The following NEGR1 variants were observed in gnomAD, a reference collection of about 807,000 sequenced individuals.
NEGR1 encodes the protein IgLON family member 4.
NEGR1 carries 10 observed loss-of-function variants against 40.9 expected under a neutral mutation model. The ratio of observed to expected loss-of-function variants is 0.24; its 90% CI spans 0.15 to 0.42. The LOEUF (loss-of-function observed/expected upper bound fraction) is 0.42. NEGR1 is among the 10% of genes least tolerant of loss of function. The pLI, the probability that NEGR1 is intolerant of heterozygous loss-of-function variation, is 1.00. For synonymous variants in NEGR1, 185 were observed against 166.8 expected (o/e 1.11, Z -0.84); for missense variants, 352 against 438.9 (o/e 0.80, Z 1.77).
At chr1:71,487,644 G>A (rs1480875277) in intron 6 of NEGR1, among the ~76,000 whole-genome samples, 1 of 151,740 alleles carries the variant, frequency 6.6e-6, no homozygotes, top group Non-Finnish European at 1.5e-5. Context: ...GCTAGCTGAA[G>A]AGTAAATATT....
intron 6 of NEGR1, among the ~76,000 whole-genome samples, chr1:71,505,776 C>T (rs962761759): frequency 1.3e-5 from 2 of 152,136 alleles, no homozygotes; most frequent in Admixed American, 6.5e-5. Flanking sequence ...ATGGAAGCCC[C>T]AAACTCATTT....
chr1:71,791,035 C>T (rs887675291), intron 2 of NEGR1, among the ~76,000 whole-genome samples: 3 of 151,878 alleles, frequency 2.0e-5, no homozygotes, highest in Admixed American at 6.6e-5. Context: ...AATGAACAAG[C>T]CCATTAGAGG....
At chr1:72,196,255 G>T (rs910326837) in intron 1 of NEGR1, among the ~76,000 whole-genome samples, 1 of 151,736 alleles carries the variant, frequency 6.6e-6, no homozygotes. Flanking sequence ...TTTAAATTAG[G>T]GATGCTCAAC....
chr1:71,419,551 G>GT (rs932660351), intron 6 of NEGR1, among the ~76,000 whole-genome samples: 33 of 151,614 alleles, frequency 2.2e-4, no homozygotes, highest in African/African-American at 6.3e-4. Flanking sequence ...AATTAAATCT[G>GT]TTTTTTTTCC....
Position 71,400,809 on chromosome 1 carries a change from G to T in NEGR1, c.*6637C>A, listed in dbSNP as rs1646242413. On this transcript the variant is annotated 3_prime_UTR_variant, in exon 7 of 7. Transcript: ENST00000357731. ...GCACTTTAGGAGGCCGAGGGAAGTGGATCACTTGAGGTCAGGAGTTCTAGA... is the reference window on the plus strand; with the variant it reads ...GCACTTTAGGAGGCCGAGGGAAGTGTATCACTTGAGGTCAGGAGTTCTAGA... 6.6e-6 allele frequency: 1 copy of T among 152,176 alleles called. No individual in the cohort carries two copies. The highest frequency in any genetic ancestry group is 2.1e-4 in the South Asian group (1 of 4,834). The allele number at this position is 152,176 out of a possible 1,614,324, so 9.4% of individuals were successfully genotyped here. A position where few individuals can be genotyped will look rare whatever the true frequency, so the allele number is the denominator to read the frequency against.
chr1:71,744,551 C>T, intron 3 of NEGR1, among the ~76,000 whole-genome samples: 1 of 151,968 alleles, frequency 6.6e-6, no homozygotes, highest in East Asian at 1.9e-4. Context: ...CGTGTCTACT[C>T]AGTTCCCTTT....
chr1:71,475,435 A>T (rs1382633005), intron 6 of NEGR1, among the ~76,000 whole-genome samples: 1 of 152,080 alleles, frequency 6.6e-6, no homozygotes, highest in Non-Finnish European at 1.5e-5. Context: ...AGTTATGTTA[A>T]TCTGAGATTT....
chr1:71,582,713 C>T (rs1326076170), intron 6 of NEGR1, among the ~76,000 whole-genome samples: 1 of 152,180 alleles, frequency 6.6e-6, no homozygotes, highest in Non-Finnish European at 1.5e-5. Flanking sequence ...AGTAATCCTG[C>T]TTTTCCCCAG....
At chr1:71,682,292 G>T (rs1652865362) in intron 4 of NEGR1, among the ~76,000 whole-genome samples, 1 of 151,274 alleles carries the variant, frequency 6.6e-6, no homozygotes, top group Non-Finnish European at 1.5e-5. Flanking sequence ...ATTCAAAATT[G>T]CTTACTGTTT....
chr1:71,958,232 C>T (rs1646134524), intron 1 of NEGR1, among the ~76,000 whole-genome samples: 1 of 152,098 alleles, frequency 6.6e-6, no homozygotes, highest in South Asian at 2.1e-4. Context: ...TCTACATTTC[C>T]CCCCTTAGGG....
intron 1 of NEGR1, among the ~76,000 whole-genome samples, chr1:72,131,960 G>A (rs1411833647): frequency 5.3e-5 from 8 of 152,032 alleles, no homozygotes; most frequent in Non-Finnish European, 1.2e-4. Flanking sequence ...TTAGCCAGGC[G>A]TGGTAGCACA....
At chr1:71,413,338 G>A (rs1646335769) in intron 6 of NEGR1, among the ~76,000 whole-genome samples, 1 of 152,160 alleles carries the variant, frequency 6.6e-6, no homozygotes, top group Non-Finnish European at 1.5e-5. Flanking sequence ...AAACAGAAAT[G>A]GTTCCTGTTC....
At chr1:71,551,614 G>A (rs1648077723) in intron 6 of NEGR1, among the ~76,000 whole-genome samples, 1 of 151,572 alleles carries the variant, frequency 6.6e-6, no homozygotes, top group South Asian at 2.1e-4. Flanking sequence ...TAATATATTT[G>A]TTAGTTTTCC....
intron 6 of NEGR1, among the ~76,000 whole-genome samples, chr1:71,437,516 T>C (rs1462092931): frequency 6.6e-6 from 1 of 152,034 alleles, no homozygotes; most frequent in African/African-American, 2.4e-5. Context: ...TGTAAATTAA[T>C]GGTGCTAAAA....
intron 1 of NEGR1, among the ~76,000 whole-genome samples, chr1:72,177,638 T>C (rs2100406508): frequency 6.6e-6 from 1 of 152,198 alleles, no homozygotes; most frequent in Admixed American, 6.5e-5. Context: ...ATTAATATTC[T>C]GACCTTTTAG....
chr1:72,157,343 G>A (rs912181207), intron 1 of NEGR1, among the ~76,000 whole-genome samples: 81 of 152,100 alleles, frequency 5.3e-4, no homozygotes, highest in Non-Finnish European at 4.4e-4. Flanking sequence ...AAATATAAAA[G>A]TATTTTTATT....
intron 1 of NEGR1, among the ~76,000 whole-genome samples, chr1:71,955,835 C>T (rs79580358): frequency 3.9e-5 from 6 of 152,092 alleles, no homozygotes; most frequent in South Asian, 2.1e-4. Context: ...TAAGTTTTCA[C>T]GGACCATTCT....
At chr1:71,982,447 C>A (rs1646362009) in intron 1 of NEGR1, among the ~76,000 whole-genome samples, 1 of 152,164 alleles carries the variant, frequency 6.6e-6, no homozygotes, top group Non-Finnish European at 1.5e-5. Context: ...ATTCCAGCTT[C>A]TTTAATTTTT....
rs545897885 is a variant in NEGR1, at chr1:71,897,160, A to AAT, written c.409+37917_409+37918dup. 9.5e-3 allele frequency among the ~76,000 whole-genome samples: 1,425 copies of AAT among 150,310 alleles called. 10 individuals are homozygous for AAT. The highest frequency in any genetic ancestry group is 0.019 in the African/African-American group (765 of 41,142). On this transcript the variant is annotated intron_variant, in intron 2 of 6. Coordinates refer to ENST00000357731, the MANE Select transcript of NEGR1 (RefSeq NM_173808.3). Reference sequence around the variant, plus strand: ...GTATATAGACATATATATGTTATAGAATATATATATATATACTATAACTCG... The same window carrying AAT: ...GTATATAGACATATATATGTTATAGAATATATATATATATATACTATAACTCG...
Sources: gnomAD v4.1 joint callset for allele counts (sites outside exome capture counted in the v4.1 genomes callset) on GRCh38, gnomAD v4.1.1 for gene constraint, MANE v1.5 for transcripts, NCBI Gene and HGNC (gene_info 2026-07-23, HGNC 2026-07-21) for gene names.